RNF19A: variants seen among roughly 807,000 people sequenced by gnomAD.
RNF19A encodes the protein E3 ubiquitin-protein ligase RNF19A.
In RNF19A, 32 loss-of-function variants were observed where a neutral mutation model predicts 75.7. The observed-to-expected ratio is 0.42, with a 90% CI of 0.32 to 0.57. RNF19A has a LOEUF of 0.57. RNF19A is among the 20% of genes least tolerant of loss of function. The pLI is 0.10. For missense variants in RNF19A, 782 were observed against 1,036.3 expected (o/e 0.75, Z 3.37); for synonymous variants, 335 against 345.2 (o/e 0.97, Z 0.33).
At chr8:100,281,328 G>C (rs1011485247) in intron 2 of RNF19A, among the ~76,000 whole-genome samples, 1 of 151,912 alleles carries the variant, frequency 6.6e-6, no homozygotes, top group Non-Finnish European at 1.5e-5. Context: ...AAATTAAAGT[G>C]GTTTTTGTTT....
chr8:100,301,628 T>C (rs1821833399), intron 1 of RNF19A, among the ~76,000 whole-genome samples: 1 of 152,226 alleles, frequency 6.6e-6, no homozygotes, highest in South Asian at 2.1e-4. Flanking sequence ...CTAGTCCTAC[T>C]CCTCTTTCAA....
At position 100,318,549 on chromosome 8, in the gene RNF19A, G is replaced by A. The variant is rs190651121; in HGVS notation, c.-242-5177C>T. ...AGGATTATATTTAAATGTATACACA[G>A]AATAATTTCCACACTTATGAAATAT... On this transcript the variant is annotated intron_variant, in intron 1 of 3. Transcript: ENST00000519527. 4.9e-4 allele frequency among the ~76,000 whole-genome samples: 74 copies of A among 152,294 alleles called. No individual in the cohort carries two copies. The East Asian group carries it at 9.6e-3, about 20-fold the overall frequency.
chr8:100,290,398 A>G (rs1821235688), intron 1 of RNF19A, among the ~76,000 whole-genome samples: 1 of 152,172 alleles, frequency 6.6e-6, no homozygotes, highest in Non-Finnish European at 1.5e-5. Context: ...CACAGTGCCC[A>G]GCCAAACTTT....
At position 100,305,574 on chromosome 8, in the gene RNF19A, T is replaced by C. The variant is rs562663621; in HGVS notation, c.-94+4293A>G. Among the ~76,000 whole-genome samples the C allele has an allele frequency of 3.3e-5, 5 of 152,372 alleles. No homozygotes were observed. The East Asian group carries it at 9.6e-4, about 29-fold the overall frequency. The stretch of plus-strand genomic sequence containing the variant: ...TGTGGCACTAGAAAATTTTAAATTA[T>C]ATTTGTGGCTCACATTGTATTTCTA... On this transcript the variant is annotated intron_variant, in intron 1 of 9. Transcript: ENST00000341084.
rs371265748 is a variant in RNF19A, at chr8:100,331,027, C to T, written c.-243+5081G>A. Among the ~76,000 whole-genome samples, 65 of 152,294 alleles carry T rather than the reference C, an allele frequency of 4.3e-4. No individual in the cohort carries two copies. The East Asian group carries it at 8.9e-3, about 21-fold the overall frequency. ...TCTGAGTCTTCCTTTCACATTGATACGTCCATTTCTATCTATGGCTCCTCC... is the reference window on the plus strand; with the variant it reads ...TCTGAGTCTTCCTTTCACATTGATATGTCCATTTCTATCTATGGCTCCTCC... On this transcript the variant is annotated intron_variant, in intron 1 of 3. Coordinates refer to the RNF19A transcript ENST00000519527. The surrounding 1 kb of genome is among the most constrained non-coding windows in gnomAD (Gnocchi z 5.2).
chr8:100,314,157 C>A (rs1161897258), upstream of RNF19A, among the ~76,000 whole-genome samples: 2 of 151,614 alleles, frequency 1.3e-5, no homozygotes, highest in African/African-American at 4.9e-5. The surrounding 1 kb of genome is among the most constrained non-coding windows in gnomAD (Gnocchi z 4.1). Context: ...GCTGGGATTG[C>A]AGGCATGAGC....
intron 1 of RNF19A, among the ~76,000 whole-genome samples, chr8:100,291,265 G>A (rs954490713): frequency 2.0e-4 from 31 of 152,112 alleles, no homozygotes; most frequent in African/African-American, 5.1e-4. Flanking sequence ...ACCCGGCACC[G>A]TACTAAATGT....
chr8:100,301,298 C>G (rs551167166), intron 1 of RNF19A, among the ~76,000 whole-genome samples: 20 of 152,330 alleles, frequency 1.3e-4, no homozygotes, highest in Non-Finnish European at 2.9e-4. Context: ...AAAGGCTCAG[C>G]ATTCTTTCTA....
rs1452412702 is a variant in RNF19A, at chr8:100,332,709, TC to T, written c.-243+3398del. 6.6e-6 allele frequency among the ~76,000 whole-genome samples: 1 copy of T among 152,242 alleles called. No homozygotes were observed. Among genetic ancestry groups the T allele is most frequent in the East Asian group, 1.9e-4 (1 of 5,202 alleles). On this transcript the variant is annotated intron_variant, in intron 1 of 3. Transcript: ENST00000519527. The surrounding 1 kb of genome is among the most constrained non-coding windows in gnomAD (Gnocchi z 4.8). ...TCTTTGCAAATTTGTTAAAATGTTA[TC>T]TCATTTTCATTTTAACTTGCACACT...
At position 100,322,794 on chromosome 8, in the gene RNF19A, C is replaced by T. The variant is rs2130361016; in HGVS notation, c.-242-9422G>A. ...GATTGTGTTTCCAAGAATAGGGAGG[C>T]CCAAGAAGAGGAAGAGATGGGGGAA... On this transcript the variant is annotated intron_variant, in intron 1 of 3. Coordinates refer to the RNF19A transcript ENST00000519527. This position sits in a 1 kb window ranked among gnomAD's most constrained non-coding sequence, Gnocchi z 5.1. Among the ~76,000 whole-genome samples the T allele has an allele frequency of 6.6e-6, 1 of 152,064 alleles. No homozygotes were observed. Among genetic ancestry groups the T allele is most frequent in the African/African-American group, 2.4e-5 (1 of 41,426 alleles).
intron 1 of RNF19A, among the ~76,000 whole-genome samples, chr8:100,335,039 T>C (rs1315654992): frequency 1.3e-5 from 2 of 152,144 alleles, no homozygotes; most frequent in East Asian, 3.8e-4. Context: ...TTGTTTTAAT[T>C]GGAAATGCAA....
upstream of RNF19A, among the ~76,000 whole-genome samples, chr8:100,313,567 T>C (rs1822331747): frequency 6.6e-6 from 1 of 152,218 alleles, no homozygotes; most frequent in Non-Finnish European, 1.5e-5. Context: ...GATGATTTAA[T>C]ACCTTTTTAG....
At position 100,264,632 on chromosome 8, in the gene RNF19A, A is replaced by G; in HGVS notation, c.1306+39T>C. 3.0e-6 allele frequency: 4 copies of G among 1,327,236 alleles called. No individual in the cohort carries two copies. In the South Asian group the frequency reaches 5.0e-5, roughly 17 times the overall value. The allele number at this position is 1,327,236 out of a possible 1,614,324, so 82.2% of individuals were successfully genotyped here. On this transcript the variant is annotated intron_variant, in intron 6 of 9. Coordinates refer to ENST00000341084, the MANE Select transcript of RNF19A (RefSeq NM_183419.4). The surrounding 1 kb of genome is among the most constrained non-coding windows in gnomAD (Gnocchi z 4.7). ...TCCTTCCACAAAACTTTAACTCCAT[A>G]AAATTGTAGGTAATTAGTACTTTTC...
intron 1 of RNF19A, among the ~76,000 whole-genome samples, chr8:100,294,614 T>C (rs201359077): frequency 1.1e-3 from 18 of 16,162 alleles, no homozygotes; most frequent in Non-Finnish European, 1.4e-3. Context: ...GTAAGACTCT[T>C]GATTTTCTGC....
intron 1 of RNF19A, among the ~76,000 whole-genome samples, chr8:100,321,100 C>T (rs1402388902): frequency 6.6e-6 from 1 of 152,118 alleles, no homozygotes; most frequent in Non-Finnish European, 1.5e-5. Flanking sequence ...GTAGCTGTGG[C>T]GGTTTCTTAA....
chr8:100,280,265 C>G (rs1302574072), intron 2 of RNF19A, among the ~76,000 whole-genome samples: 1 of 152,094 alleles, frequency 6.6e-6, no homozygotes, highest in Admixed American at 6.6e-5. Flanking sequence ...ACTTTGGCCA[C>G]CTGGCATTTG....
At chr8:100,335,846 G>A (rs1822674791) in intron 1 of RNF19A, among the ~76,000 whole-genome samples, 1 of 152,234 alleles carries the variant, frequency 6.6e-6, no homozygotes, top group Non-Finnish European at 1.5e-5. Flanking sequence ...CAGTGCTCTG[G>A]TCTAAGTGGG....
intron 1 of RNF19A, among the ~76,000 whole-genome samples, chr8:100,307,261 T>C (rs1822100857): frequency 6.6e-6 from 1 of 152,178 alleles, no homozygotes; most frequent in East Asian, 1.9e-4. Context: ...GTAGAGAAGA[T>C]ATAAGTGAGC....
At chr8:100,289,415 C>A (rs1293751257) in intron 1 of RNF19A, among the ~76,000 whole-genome samples, 1 of 152,186 alleles carries the variant, frequency 6.6e-6, no homozygotes, top group East Asian at 1.9e-4. Context: ...ACTTTTGCCA[C>A]ATATAACTAA....
Sources: gnomAD v4.1 joint callset for allele counts (sites outside exome capture counted in the v4.1 genomes callset) on GRCh38, gnomAD v4.1.1 for gene constraint, Gnocchi (gnomAD v3.1) non-coding constraint, MANE v1.5 for transcripts, NCBI Gene and HGNC (gene_info 2026-07-23, HGNC 2026-07-21) for gene names.